The following RBM19 variants were observed in gnomAD, a reference collection of about 807,000 sequenced individuals.
The protein encoded by RBM19 is RNA binding motif protein 19.
RBM19 carries 94 observed loss-of-function variants against 116.8 expected under a neutral mutation model. The ratio of observed to expected loss-of-function variants is 0.80; its 90% CI spans 0.68 to 0.95. The LOEUF (loss-of-function observed/expected upper bound fraction) is 0.95. Ranked by LOEUF, RBM19 falls within the 40% of genes least tolerant of loss-of-function variation. The pLI, the probability that RBM19 is intolerant of heterozygous loss-of-function variation, is 0.00. For synonymous variants in RBM19, 475 were observed against 494.1 expected (o/e 0.96, Z 0.51); for missense variants, 1,161 against 1,220.7 (o/e 0.95, Z 0.73).
At chr12:113,867,207 C>A (rs983378792) in intron 21 of RBM19, among the ~76,000 whole-genome samples, 9 of 152,224 alleles carry the variant, frequency 5.9e-5, no homozygotes, top group Non-Finnish European at 1.3e-4. Flanking sequence ...ATTTGCTGCA[C>A]AGCATCTACC....
intron 23 of RBM19, among the ~76,000 whole-genome samples, chr12:113,838,751 T>C (rs1397914083): frequency 6.6e-6 from 1 of 152,194 alleles, no homozygotes; most frequent in African/African-American, 2.4e-5. Flanking sequence ...ACAAATTGAA[T>C]GTTCTACTAT....
intron 16 of RBM19, among the ~76,000 whole-genome samples, chr12:113,933,472 C>T (rs867899983): frequency 6.6e-6 from 1 of 152,240 alleles, no homozygotes; most frequent in African/African-American, 2.4e-5. Context: ...ACCGATGACG[C>T]GGGACACAGC....
intron 16 of RBM19, among the ~76,000 whole-genome samples, chr12:113,928,417 TACACACACACACACACAC>T (rs3066401): frequency 7.3e-6 from 1 of 136,344 alleles, no homozygotes; most frequent in Non-Finnish European, 1.6e-5. Flanking sequence ...TACATGTGCA[TACACACACACACACACAC>T]ACACACACAC....
rs71433305 is a variant in RBM19, at chr12:113,944,093, G to GTTTTTTTTTTTTTTTTTTTTT, written c.1627-1680_1627-1660dup. ...CAGCTGCCTCTAACTCCAGATGCATGTTTTTTTTTTTTTTTTTTTTTTTTG... is the reference window on the plus strand; with the variant it reads ...CAGCTGCCTCTAACTCCAGATGCATGTTTTTTTTTTTTTTTTTTTTTTTTTTTTTTTTTTTTTTTTTTTTTG... On this transcript the variant is annotated intron_variant, in intron 13 of 23. Transcript: ENST00000261741. Among the ~76,000 whole-genome samples, 10 of 67,660 alleles carry GTTTTTTTTTTTTTTTTTTTTT rather than the reference G, an allele frequency of 1.5e-4. 1 individual carries two copies. Among genetic ancestry groups the GTTTTTTTTTTTTTTTTTTTTT allele is most frequent in the African/African-American group, 1.9e-4 (3 of 15,870 alleles). The allele number at this position is 67,660 out of a possible 152,430, so 44.4% of individuals were successfully genotyped here. A position where few individuals can be genotyped will look rare whatever the true frequency, so the allele number is the denominator to read the frequency against.
chr12:113,924,160 G>A (rs1479622919), intron 18 of RBM19, among the ~76,000 whole-genome samples: 1 of 152,178 alleles, frequency 6.6e-6, no homozygotes, highest in African/African-American at 2.4e-5. Flanking sequence ...GAGAGATGAG[G>A]GTGCTCTCTG....
Position 113,951,019 on chromosome 12 carries a change from C to T in RBM19, c.1001-865G>A, listed in dbSNP as rs1871420706. On this transcript the variant is annotated intron_variant, in intron 8 of 23. Coordinates refer to ENST00000261741, the MANE Select transcript of RBM19 (RefSeq NM_016196.4). Reference sequence around the variant, plus strand: ...CATCCTAAATGTGATCACTGCCCTCCCCTGCTCTAAGCTCCCAGGGGCCCC... The same window carrying T: ...CATCCTAAATGTGATCACTGCCCTCTCCTGCTCTAAGCTCCCAGGGGCCCC... Among the ~76,000 whole-genome samples, 4 of 152,142 alleles carry T rather than the reference C, an allele frequency of 2.6e-5. 1 individual carries two copies. The South Asian group carries it at 8.3e-4, about 31-fold the overall frequency.
intron 23 of RBM19, among the ~76,000 whole-genome samples, chr12:113,834,502 T>C (rs1875705234): frequency 6.6e-6 from 1 of 152,170 alleles, no homozygotes; most frequent in Admixed American, 6.5e-5. Context: ...AGAAAGTAAA[T>C]ACTTTAGGCT....
rs138148147 is a variant in RBM19, at chr12:113,866,022, C to T, written c.2559-7126G>A. ...GCCCTGCACTGAGATGTTTTCTCTC[C>T]CGCAGAAGGTTATGTTGATGAGTGT... On this transcript the variant is annotated intron_variant, in intron 21 of 23. Transcript: ENST00000261741. 2.5e-3 allele frequency among the ~76,000 whole-genome samples: 376 copies of T among 152,310 alleles called. 2 individuals are homozygous for T. The highest frequency in any genetic ancestry group is 8.4e-3 in the African/African-American group (351 of 41,572).
chr12:113,880,927 T>C (rs1001933847), intron 21 of RBM19, among the ~76,000 whole-genome samples: 1 of 152,182 alleles, frequency 6.6e-6, no homozygotes, highest in Non-Finnish European at 1.5e-5. Flanking sequence ...AAAGAGGCTC[T>C]CTCTGCCTTG....
chr12:113,894,390 C>T (rs922586675), intron 21 of RBM19, among the ~76,000 whole-genome samples: 17 of 152,214 alleles, frequency 1.1e-4, no homozygotes, highest in African/African-American at 4.1e-4. Flanking sequence ...AGAACATGCC[C>T]TCTCCAGCCT....
At chr12:113,912,232 T>C (rs574224015) in intron 21 of RBM19, among the ~76,000 whole-genome samples, 3 of 152,102 alleles carry the variant, frequency 2.0e-5, no homozygotes, top group Non-Finnish European at 2.9e-5. Context: ...CAGAGAATGC[T>C]CTCCGGAGCC....
At chr12:113,914,389 C>T (rs1272903723) in intron 21 of RBM19, among the ~76,000 whole-genome samples, 3 of 152,222 alleles carry the variant, frequency 2.0e-5, no homozygotes, top group Non-Finnish European at 2.9e-5. Flanking sequence ...GCAGGTAATT[C>T]GCCTTCATTT....
chr12:113,836,579 C>A (rs1875910476), intron 23 of RBM19, among the ~76,000 whole-genome samples: 1 of 151,992 alleles, frequency 6.6e-6, no homozygotes, highest in African/African-American at 2.4e-5. Context: ...CGAGTCTGGG[C>A]GTGGAGCATA....
chr12:113,938,714 T>TTA (rs1437178038), intron 15 of RBM19, among the ~76,000 whole-genome samples: 2 of 152,250 alleles, frequency 1.3e-5, no homozygotes, highest in African/African-American at 4.8e-5. Context: ...ACAAGTGTCC[T>TTA]TATAAGAGAA....
At chr12:113,887,645 A>AG (rs1225836364) in intron 21 of RBM19, among the ~76,000 whole-genome samples, 3 of 149,858 alleles carry the variant, frequency 2.0e-5, no homozygotes, top group African/African-American at 7.4e-5. Context: ...AAAAAAAAAA[A>AG]AAAAAAGAAA....
chr12:113,868,632 G>A (rs1879007800), intron 21 of RBM19, among the ~76,000 whole-genome samples: 1 of 152,148 alleles, frequency 6.6e-6, no homozygotes, highest in Non-Finnish European at 1.5e-5. Context: ...TCCCAAACAA[G>A]GAAAGCTATT....
At chr12:113,885,905 G>C (rs1880481584) in intron 21 of RBM19, among the ~76,000 whole-genome samples, 3 of 119,362 alleles carry the variant, frequency 2.5e-5, no homozygotes, top group African/African-American at 9.9e-5. Context: ...GTCTCTCTCT[G>C]TCGCCCAGGC....
chr12:113,928,796 A>G (rs1226426849), intron 16 of RBM19, among the ~76,000 whole-genome samples: 1 of 152,064 alleles, frequency 6.6e-6, no homozygotes, highest in Non-Finnish European at 1.5e-5. Context: ...CTTTTCAGAA[A>G]TCTTAGGAGG....
chr12:113,826,811 TCTTGG>T (rs765350600), intron 23 of RBM19, among the ~76,000 whole-genome samples: 3 of 152,260 alleles, frequency 2.0e-5, no homozygotes, highest in Non-Finnish European at 4.4e-5. Flanking sequence ...TTCGTGTCTC[TCTTGG>T]TCTTTGGGGC....
Sources: allele counts gnomAD v4.1 joint callset (sites outside exome capture counted in the v4.1 genomes callset), GRCh38; gene constraint gnomAD v4.1.1; transcripts MANE v1.5; gene names NCBI Gene and HGNC (gene_info 2026-07-23, HGNC 2026-07-21).